MICAL3: variants seen among roughly 807,000 people sequenced by gnomAD.
The protein encoded by MICAL3 is [F-actin]-monooxygenase MICAL3.
MICAL3 carries 62 observed loss-of-function variants against 207.4 expected under a neutral mutation model. The observed-to-expected ratio is 0.30, with a 90% CI of 0.24 to 0.37. MICAL3 has a LOEUF of 0.37. Ranked by LOEUF, MICAL3 falls within the 10% of genes least tolerant of loss-of-function variation. MICAL3 has a pLI of 1.00. For missense variants in MICAL3, 2,368 were observed against 2,635.6 expected (o/e 0.90, Z 2.22); for synonymous variants, 1,077 against 1,069.3 (o/e 1.01, Z -0.14).
At chr22:17,862,168 C>T (rs1277218952) in intron 19 of MICAL3, 2 of 985,022 alleles carry the variant, frequency 2.0e-6, no homozygotes, top group Admixed American at 1.2e-4. Context: ...TGGTCGAGTG[C>T]ACAGTAGAGG....
At chr22:17,936,547 A>G (rs532260426) in intron 1 of MICAL3, among the ~76,000 whole-genome samples, 2 of 152,018 alleles carry the variant, frequency 1.3e-5, no homozygotes, top group African/African-American at 4.8e-5. Context: ...CATGTTGTGC[A>G]CATGTACCCT....
intron 16 of MICAL3, among the ~76,000 whole-genome samples, chr22:17,873,345 C>G (rs1259696420): frequency 6.6e-6 from 1 of 152,282 alleles, no homozygotes; most frequent in African/African-American, 2.4e-5. Flanking sequence ...GCACAGGCCG[C>G]CTCTGTGTGG....
At chr22:17,891,758 T>C (rs1930410142) in intron 11 of MICAL3, 126 bp from the exon 12 acceptor site, 3 of 791,814 alleles carry the variant, frequency 3.8e-6, no homozygotes, top group African/African-American at 1.7e-5. Flanking sequence ...CAGTCAACAC[T>C]AGTTTCCATG....
chr22:17,976,587 A>ATTTTTTTT (rs1204825142), intron 1 of MICAL3, among the ~76,000 whole-genome samples: 2 of 80,302 alleles, frequency 2.5e-5, no homozygotes, highest in Non-Finnish European at 4.3e-5. Flanking sequence ...ATATATATAT[A>ATTTTTTTT]TATTTTTTTT....
chr22:17,842,075 G>C (rs962615309), intron 19 of MICAL3, 58 bp from the exon 20 acceptor site: 3 of 1,519,080 alleles, frequency 2.0e-6, no homozygotes. Flanking sequence ...GGGCGTGGGG[G>C]TGGGGGCTGA....
intron 1 of MICAL3, among the ~76,000 whole-genome samples, chr22:17,978,413 A>G (rs560719695): frequency 4.6e-5 from 7 of 152,330 alleles, no homozygotes; most frequent in African/African-American, 7.2e-5. Flanking sequence ...AGTAACTCCT[A>G]TGGGTACAAG....
chr22:17,953,324 C>T (rs1278621912), intron 1 of MICAL3, among the ~76,000 whole-genome samples: 1 of 152,134 alleles, frequency 6.6e-6, no homozygotes, highest in African/African-American at 2.4e-5. Context: ...AGGTCAGCTC[C>T]CAGCTAATGG....
intron 19 of MICAL3, chr22:17,862,462 G>T: frequency 1.8e-6 from 1 of 543,456 alleles, no homozygotes; most frequent in South Asian, 8.0e-5. Flanking sequence ...GGGTTTCACT[G>T]TGTTAGCCAG....
chr22:17,829,243 C>G (rs535678717), intron 21 of MICAL3, among the ~76,000 whole-genome samples: 1 of 151,642 alleles, frequency 6.6e-6, no homozygotes, highest in Non-Finnish European at 1.5e-5. Context: ...CTCAGCTCAC[C>G]GCAACCTCCG....
In MICAL3 at chr22:17,826,881, T is replaced by TA. The variant is rs148042270; in HGVS notation, c.3193+762dup. ...GGCCAGGGAGGAACAAACGTCTTATTAATGCTGTTTTATGATGGCAGGAAA... is the reference window on the plus strand; with the variant it reads ...GGCCAGGGAGGAACAAACGTCTTATTAAATGCTGTTTTATGATGGCAGGAAA... On this transcript the variant is annotated intron_variant, in intron 22 of 31. Coordinates refer to ENST00000441493, the MANE Select transcript of MICAL3 (RefSeq NM_015241.3). 1.2e-4 allele frequency among the ~76,000 whole-genome samples: 17 copies of TA among 136,958 alleles called. No individual in the cohort carries two copies. In the East Asian group the frequency reaches 3.3e-3, roughly 27 times the overall value. The allele number at this position is 136,958 out of a possible 152,430, so 89.8% of individuals were successfully genotyped here.
intron 1 of MICAL3, among the ~76,000 whole-genome samples, chr22:17,998,309 A>G (rs900841891): frequency 2.6e-5 from 4 of 152,158 alleles, no homozygotes; most frequent in Non-Finnish European, 4.4e-5. Context: ...CGTCTCAAAA[A>G]AAGAAGAAGA....
chr22:17,975,106 C>T (rs1206595899), intron 1 of MICAL3, among the ~76,000 whole-genome samples: 2 of 149,006 alleles, frequency 1.3e-5, no homozygotes, highest in Non-Finnish European at 2.9e-5. Flanking sequence ...AGACTGACTT[C>T]TTTGAAAGAA....
chr22:17,880,036 C>T (rs572901051), intron 16 of MICAL3, among the ~76,000 whole-genome samples: 5 of 152,200 alleles, frequency 3.3e-5, no homozygotes, highest in East Asian at 1.9e-4. Context: ...GAAGGCTCCT[C>T]GCATTACTCT....
chr22:18,022,042 A>C (rs1924513547), intron 1 of MICAL3, among the ~76,000 whole-genome samples: 1 of 152,088 alleles, frequency 6.6e-6, no homozygotes, highest in African/African-American at 2.4e-5. Context: ...AGTTTATGTA[A>C]AATTTTAACA....
Position 17,817,297 on chromosome 22 carries a change from G to A in MICAL3, c.5350+14C>T, listed in dbSNP as rs145022846. 662 of 1,573,890 alleles carry A rather than the reference G, an allele frequency of 4.2e-4. 2 individuals are homozygous for A. In the African/African-American group the frequency reaches 7.3e-3, roughly 17 times the overall value. The stretch of plus-strand genomic sequence containing the variant: ...TCCCGCTCTGCCTGCACGCGGACCC[G>A]GCTGCTGACGCACCTGCCCTTACGA... On this transcript the variant is annotated intron_variant, in intron 26 of 31. Coordinates refer to ENST00000441493, the MANE Select transcript of MICAL3 (RefSeq NM_015241.3).
chr22:17,799,789 G>A (rs887036609), intron 29 of MICAL3, among the ~76,000 whole-genome samples: 19 of 152,196 alleles, frequency 1.2e-4, no homozygotes, highest in Admixed American at 3.3e-4. Context: ...TACACATAGT[G>A]GGGCTGGGAG....
chr22:17,982,692 T>TAACATAACATAACATAACATAA (rs1212645325), intron 1 of MICAL3, among the ~76,000 whole-genome samples: 7 of 146,572 alleles, frequency 4.8e-5, no homozygotes, highest in African/African-American at 1.5e-4. Context: ...TAACATAACA[T>TAACATAACATAACATAACATAA]AACATAACAT....
intron 25 of MICAL3, among the ~76,000 whole-genome samples, chr22:17,820,876 A>G (rs186224006): frequency 7.3e-4 from 101 of 138,474 alleles, no homozygotes; most frequent in Non-Finnish European, 1.2e-3. Flanking sequence ...ATTTTAATAA[A>G]TTTATATTTA....
chr22:17,891,382 T>G (rs1333199925), intron 12 of MICAL3, 103 bp downstream of exon 12: 1 of 1,000,812 alleles, frequency 1.0e-6, no homozygotes, highest in Non-Finnish European at 1.5e-6. Flanking sequence ...AGTATCTTAC[T>G]ATGTACCTCA....
Sources: gnomAD v4.1 joint callset for allele counts (sites outside exome capture counted in the v4.1 genomes callset) on GRCh38, gnomAD v4.1.1 for gene constraint, MANE v1.5 for transcripts, NCBI Gene and HGNC (gene_info 2026-07-23, HGNC 2026-07-21) for gene names.